TPMT: variants seen among roughly 807,000 people sequenced by gnomAD.
TPMT encodes thiopurine S-methyltransferase.
TPMT carries 18 observed loss-of-function variants against 34.2 expected under a neutral mutation model. The observed-to-expected ratio is 0.53, with a 90% CI of 0.36 to 0.78. TPMT has a LOEUF of 0.78. Ranked by LOEUF, TPMT falls within the 30% of genes least tolerant of loss-of-function variation. The probability of loss-of-function intolerance (pLI) is 0.00; values close to 1 mark genes in which losing one functional copy is unlikely to be tolerated. For synonymous variants in TPMT, 69 were observed against 92.4 expected, an observed-to-expected ratio of 0.75 and a Z score of 1.45; for missense variants, 265 against 288.1, an observed-to-expected ratio of 0.92 and a Z score of 0.58.
Position 18,139,534 on chromosome 6 carries a change from A to T in TPMT, c.419+131T>A. The T allele has an allele frequency of 1.3e-6, 1 of 780,156 alleles. No homozygotes were observed. Among genetic ancestry groups the T allele is most frequent in the Non-Finnish European group, 2.2e-6 (1 of 445,702 alleles). 48.3% of individuals were successfully genotyped at this position (780,156 alleles called of 1,614,324 possible). On this transcript the variant is annotated intron_variant, in intron 5 of 8. Coordinates refer to ENST00000309983, the MANE Select transcript of TPMT (RefSeq NM_000367.5). This position sits in a 1 kb window ranked among gnomAD's most constrained non-coding sequence, Gnocchi z 4.2. ...TGTGTAATAAAAATATCTGCAGAACAGACATTCAAAAAAATGCTTTGTGGA... is the reference window on the plus strand; with the variant it reads ...TGTGTAATAAAAATATCTGCAGAACTGACATTCAAAAAAATGCTTTGTGGA...
At position 18,149,235 on chromosome 6, in the gene TPMT, T is replaced by C. The variant is rs1225725920; in HGVS notation, c.-44-64A>G. ...ATTGGAATTCTATTGATGAACTAAA[T>C]GAAAACCTATTATTCTTAGCAGTAT... is the stretch of plus-strand genomic sequence containing the variant. On this transcript the variant is annotated intron_variant, in intron 1 of 8. Transcript: ENST00000309983. The surrounding 1 kb of genome is among the most constrained non-coding windows in gnomAD (Gnocchi z 5.0). 3.0e-6 allele frequency: 4 copies of C among 1,338,156 alleles called. No individual in the cohort carries two copies. The highest frequency in any genetic ancestry group is 3.4e-5 in the Admixed American group (2 of 58,892). The allele number at this position is 1,338,156 out of a possible 1,614,324, so 82.9% of individuals were successfully genotyped here. A position where few individuals can be genotyped will look rare whatever the true frequency, so the allele number is the denominator to read the frequency against.
rs554762071 is a variant in TPMT, at chr6:18,133,507, T to C, written c.580+297A>G. On this transcript the variant is annotated intron_variant, in intron 7 of 8. Coordinates refer to ENST00000309983, the MANE Select transcript of TPMT (RefSeq NM_000367.5). ...CAACCACATTCCTCCTTCTTCCCAA[T>C]AGGACTCATGAGATTTCTCTTCTGT... Among the ~76,000 whole-genome samples the C allele has an allele frequency of 7.2e-5, 11 of 152,318 alleles. No homozygotes were observed. The East Asian group carries it at 1.9e-3, about 27-fold the overall frequency.
Position 18,153,614 on chromosome 6 carries a change from G to C in TPMT, c.-45+1419C>G, listed in dbSNP as rs1051541598. On this transcript the variant is annotated intron_variant, in intron 1 of 8. Transcript: ENST00000309983. The surrounding 1 kb of genome is among the most constrained non-coding windows in gnomAD (Gnocchi z 4.2). ...CCTGGGAACATGAATTCACTTCTTAGCAAATATTTGTTGACAAATGGCTTC... is the reference window on the plus strand; with the variant it reads ...CCTGGGAACATGAATTCACTTCTTACCAAATATTTGTTGACAAATGGCTTC... Among the ~76,000 whole-genome samples the C allele has an allele frequency of 3.9e-5, 6 of 152,158 alleles. No homozygotes were observed. The highest frequency in any genetic ancestry group is 1.4e-4 in the African/African-American group (6 of 41,436).
Position 18,147,860 on chromosome 6 carries a change from A to G in TPMT, c.196T>C (p.Phe66Leu), listed in dbSNP as rs1236222449. Residue 66 changes from phenylalanine to leucine, a missense_variant, in exon 3 of 9, where the codon TTT (phenylalanine) becomes CTT (leucine). Physicochemically the swap from Phe to Leu is conservative, Grantham distance 22 (BLOSUM62 0). Transcript: ENST00000309983. Reference protein sequence around the residue: ...FLKGKSGLRVFFPLCGKAVEM... With the variant: ...FLKGKSGLRVLFPLCGKAVEM... ...ACCGCTTTTCCGCAAAGAGGAAAAAATACCCTCAGTCCACTCTTGCCTTTA... is the reference window on the plus strand; with the variant it reads ...ACCGCTTTTCCGCAAAGAGGAAAAAGTACCCTCAGTCCACTCTTGCCTTTA... 5.6e-6 allele frequency: 9 copies of G among 1,613,870 alleles called. No homozygotes were observed. Among genetic ancestry groups the G allele is most frequent in the Non-Finnish European group, 6.8e-6 (8 of 1,179,950 alleles).
chr6:18,143,798 A>G lies in TPMT; in HGVS notation c.234-70T>C, dbSNP rs1175595822. On this transcript the variant is annotated intron_variant, in intron 3 of 8. Transcript: ENST00000309983. This position sits in a 1 kb window ranked among gnomAD's most constrained non-coding sequence, Gnocchi z 6.1. ...ACTAAATAGAGGGTTATATTAGAGTAAGCATATATTTTCTTTAATTTAGAG... is the reference window on the plus strand; with the variant it reads ...ACTAAATAGAGGGTTATATTAGAGTGAGCATATATTTTCTTTAATTTAGAG... 1.9e-6 allele frequency: 3 copies of G among 1,573,138 alleles called. No individual in the cohort carries two copies. Among genetic ancestry groups the G allele is most frequent in the Non-Finnish European group, 2.6e-6 (3 of 1,153,470 alleles).
rs1482094166 is a variant in TPMT at position 18,140,872 on chromosome 6, G to A, written c.367-1155C>T. The stretch of plus-strand genomic sequence containing the variant: ...GGGAGCTGGGGTGAAGGGCAGTGTA[G>A]GAAAGGTGTGTCAGCACACAAGACT... On this transcript the variant is annotated intron_variant, in intron 4 of 8. Coordinates refer to ENST00000309983, the MANE Select transcript of TPMT (RefSeq NM_000367.5). The surrounding 1 kb of genome is among the most constrained non-coding windows in gnomAD (Gnocchi z 4.7). Among the ~76,000 whole-genome samples, 2 of 152,090 alleles carry A rather than the reference G, an allele frequency of 1.3e-5. No individual in the cohort carries two copies. Among genetic ancestry groups the A allele is most frequent in the Non-Finnish European group, 2.9e-5 (2 of 68,008 alleles).
intron 4 of TPMT, among the ~76,000 whole-genome samples, chr6:18,141,595 C>T (rs1035050500): frequency 5.3e-5 from 8 of 152,150 alleles, no homozygotes; most frequent in Admixed American, 5.2e-4. Context: ...CCACCTTGGC[C>T]ACCCAAAGTG....
chr6:18,144,598 C>G (rs145145461), intron 3 of TPMT, among the ~76,000 whole-genome samples: 1 of 151,700 alleles, frequency 6.6e-6, no homozygotes, highest in Non-Finnish European at 1.5e-5. Context: ...AGGCTGGTCT[C>G]GAGCTCCCGA....
In TPMT at chr6:18,148,046, C is replaced by A; in HGVS notation, c.141-131G>T. On this transcript the variant is annotated intron_variant, in intron 2 of 8. Transcript: ENST00000309983. This position sits in a 1 kb window ranked among gnomAD's most constrained non-coding sequence, Gnocchi z 4.1. ...ATTAATTATTATAATCTCCAGCTTA[C>A]ATATGAAGAAACAGGTAACTTGCTC... 1.4e-6 allele frequency: 1 copy of A among 730,980 alleles called. No homozygotes were observed. The highest frequency in any genetic ancestry group is 2.3e-6 in the Non-Finnish European group (1 of 431,408). The allele number at this position is 730,980 out of a possible 1,614,324, so 45.3% of individuals were successfully genotyped here. A position where few individuals can be genotyped will look rare whatever the true frequency, so the allele number is the denominator to read the frequency against.
chr6:18,140,875 A>G lies in TPMT; in HGVS notation c.367-1158T>C, dbSNP rs961258024. ...AGCTGGGGTGAAGGGCAGTGTAGGA[A>G]AGGTGTGTCAGCACACAAGACTGCT... On this transcript the variant is annotated intron_variant, in intron 4 of 8. Coordinates refer to ENST00000309983, the MANE Select transcript of TPMT (RefSeq NM_000367.5). This position sits in a 1 kb window ranked among gnomAD's most constrained non-coding sequence, Gnocchi z 4.7. 2.0e-5 allele frequency among the ~76,000 whole-genome samples: 3 copies of G among 151,964 alleles called. No homozygotes were observed. The highest frequency in any genetic ancestry group is 7.2e-5 in the African/African-American group (3 of 41,386).
In TPMT at chr6:18,138,270, T is replaced by G. The variant is rs796259227; in HGVS notation, c.494+693A>C. On this transcript the variant is annotated intron_variant, in intron 6 of 8. Coordinates refer to ENST00000309983, the MANE Select transcript of TPMT (RefSeq NM_000367.5). The surrounding 1 kb of genome is among the most constrained non-coding windows in gnomAD (Gnocchi z 4.1). ...GAAATATTTTGATTTTTTTGTTTTT[T>G]TTTTTTTTTAAATATTTTACAGACA... Among the ~76,000 whole-genome samples, 7 of 151,452 alleles carry G rather than the reference T, an allele frequency of 4.6e-5. No homozygotes were observed. Among genetic ancestry groups the G allele is most frequent in the African/African-American group, 1.5e-4 (6 of 41,214 alleles).
chr6:18,131,430 A>C lies in TPMT; in HGVS notation c.626-650T>G, dbSNP rs376830692. On this transcript the variant is annotated intron_variant, in intron 8 of 8. Transcript: ENST00000309983. This position sits in a 1 kb window ranked among gnomAD's most constrained non-coding sequence, Gnocchi z 4.3. ...CCCATCTCTACAAAAAAATAGAAAA[A>C]TTAGCTAAGCATTGTGGTGCATGCC... Among the ~76,000 whole-genome samples, 47 of 152,202 alleles carry C rather than the reference A, an allele frequency of 3.1e-4. No homozygotes were observed. The highest frequency in any genetic ancestry group is 1.0e-3 in the African/African-American group (43 of 41,546).
In TPMT at chr6:18,138,334, C is replaced by T. The variant is rs532727468; in HGVS notation, c.494+629G>A. On this transcript the variant is annotated intron_variant, in intron 6 of 8. Transcript: ENST00000309983. The surrounding 1 kb of genome is among the most constrained non-coding windows in gnomAD (Gnocchi z 4.1). ...TCATTCAGGTTGAAGTGCAGTGGTA[C>T]GATCATAGCTCACTGCAGCTTTGAA... Among the ~76,000 whole-genome samples the T allele has an allele frequency of 7.1e-4, 107 of 150,900 alleles. 1 individual carries two copies. Among genetic ancestry groups the T allele is most frequent in the East Asian group, 5.3e-3 (27 of 5,116 alleles).
At position 18,130,705 on chromosome 6, in the gene TPMT, C is replaced by T. The variant is rs1384789739; in HGVS notation, c.701G>A (p.Cys234Tyr). ...AAGTAGATATAACTTTTCAAAAAGA[C>T]AGTCAATTCCCCAACTTTTATGTCG... is the stretch of plus-strand genomic sequence containing the variant. ...EERHKSWGID[C>Y]LFEKLYLLTE... The change falls in exon 9 of 9, where the codon TGT becomes TAT. Residue 234 changes from cysteine (C) to tyrosine (Y), a missense_variant. Cys to Tyr is a radical substitution (Grantham distance 194). Transcript: ENST00000309983. The surrounding 1 kb of genome is among the most constrained non-coding windows in gnomAD (Gnocchi z 4.2). 1.2e-6 allele frequency: 2 copies of T among 1,612,840 alleles called. No individual in the cohort carries two copies. The highest frequency in any genetic ancestry group is 1.7e-6 in the Non-Finnish European group (2 of 1,179,776).
At position 18,138,264 on chromosome 6, in the gene TPMT, G is replaced by T. The variant is rs74919795; in HGVS notation, c.494+699C>A. On this transcript the variant is annotated intron_variant, in intron 6 of 8. Transcript: ENST00000309983. The surrounding 1 kb of genome is among the most constrained non-coding windows in gnomAD (Gnocchi z 4.1). The stretch of plus-strand genomic sequence containing the variant: ...CCACATGAAATATTTTGATTTTTTT[G>T]TTTTTTTTTTTTTTTAAATATTTTA... 2.8e-3 allele frequency among the ~76,000 whole-genome samples: 390 copies of T among 140,560 alleles called. No individual in the cohort carries two copies. The highest frequency in any genetic ancestry group is 8.0e-3 in the African/African-American group (300 of 37,352). 92.2% of individuals were successfully genotyped at this position (140,560 alleles called of 152,430 possible).
rs908780788 is a variant in TPMT at position 18,154,660 on chromosome 6, T to G, written c.-45+373A>C. ...TGGTGCAGCGAGCCTGTAGTCCCAG[T>G]TACCGAGGAGGCTGGGGCGGGAAGA... is the stretch of plus-strand genomic sequence containing the variant. On this transcript the variant is annotated intron_variant, in intron 1 of 8. Coordinates refer to ENST00000309983, the MANE Select transcript of TPMT (RefSeq NM_000367.5). This position sits in a 1 kb window ranked among gnomAD's most constrained non-coding sequence, Gnocchi z 4.2. 3.9e-5 allele frequency among the ~76,000 whole-genome samples: 6 copies of G among 152,078 alleles called. No individual in the cohort carries two copies. Among genetic ancestry groups the G allele is most frequent in the African/African-American group, 1.4e-4 (6 of 41,402 alleles).
At position 18,128,635 on chromosome 6, in the gene TPMT, C is replaced by T. The variant is rs1016090141; in HGVS notation, c.*2033G>A. The T allele has an allele frequency of 6.6e-6, 1 of 152,246 alleles. No individual in the cohort carries two copies. The highest frequency in any genetic ancestry group is 1.5e-5 in the Non-Finnish European group (1 of 68,084). 9.4% of individuals were successfully genotyped at this position (152,246 alleles called of 1,614,324 possible). On this transcript the variant is annotated 3_prime_UTR_variant, in exon 9 of 9. Coordinates refer to ENST00000309983, the MANE Select transcript of TPMT (RefSeq NM_000367.5). This position sits in a 1 kb window ranked among gnomAD's most constrained non-coding sequence, Gnocchi z 4.6. ...AGATCAGCGTTCTGTTTCTCAGATC[C>T]ATGTGCTGGAATGTGGCTGCCCCAC... is the stretch of plus-strand genomic sequence containing the variant.
rs930711745 is a variant in TPMT, at chr6:18,143,967, C to CT, written c.234-240dup. On this transcript the variant is annotated intron_variant, in intron 3 of 8. Coordinates refer to ENST00000309983, the MANE Select transcript of TPMT (RefSeq NM_000367.5). The surrounding 1 kb of genome is among the most constrained non-coding windows in gnomAD (Gnocchi z 6.1). ...TAAAAATTTGGAAAATTATATATAT[C>CT]TTTTTTTATGTATGAAACAGTTGGA... 3.3e-5 allele frequency among the ~76,000 whole-genome samples: 5 copies of CT among 151,960 alleles called. No homozygotes were observed. Among genetic ancestry groups the CT allele is most frequent in the African/African-American group, 9.7e-5 (4 of 41,396 alleles).
In TPMT at chr6:18,145,417, G is replaced by A. The variant is rs1326391971; in HGVS notation, c.234-1689C>T. The stretch of plus-strand genomic sequence containing the variant: ...TATTCATACCTGGTTTAGTTCAACT[G>A]GGTGCAGTTTTCTGCTTTTACCTAA... On this transcript the variant is annotated intron_variant, in intron 3 of 8. Coordinates refer to ENST00000309983, the MANE Select transcript of TPMT (RefSeq NM_000367.5). This position sits in a 1 kb window ranked among gnomAD's most constrained non-coding sequence, Gnocchi z 5.6. Among the ~76,000 whole-genome samples, 2 of 152,170 alleles carry A rather than the reference G, an allele frequency of 1.3e-5. No homozygotes were observed. Among genetic ancestry groups the A allele is most frequent in the Non-Finnish European group, 2.9e-5 (2 of 68,022 alleles).
Sources: gnomAD v4.1 joint callset for allele counts (sites outside exome capture counted in the v4.1 genomes callset) on GRCh38, gnomAD v4.1.1 for gene constraint, Gnocchi (gnomAD v3.1) non-coding constraint, MANE v1.5 for transcripts, NCBI Gene and HGNC (gene_info 2026-07-23, HGNC 2026-07-21) for gene names.